The following TRIM31 variants were observed in gnomAD, a reference collection of about 807,000 sequenced individuals.
The protein encoded by TRIM31 is E3 ubiquitin-protein ligase TRIM31.
TRIM31 carries 31 observed loss-of-function variants against 40.6 expected under a neutral mutation model. The ratio of observed to expected loss-of-function variants is 0.76; its 90% CI spans 0.57 to 1.03. The LOEUF (loss-of-function observed/expected upper bound fraction) is 1.03, where lower values mean the gene tolerates loss of function less well. Among genes scored for constraint, TRIM31 ranks in the 50% least tolerant of loss-of-function variants. The pLI is 0.00. For synonymous variants in TRIM31, 164 were observed against 193.9 expected (o/e 0.85, Z 1.28); for missense variants, 455 against 497.5 (o/e 0.91, Z 0.81).
chr6:30,111,042 T>A (rs1769258823), intron 3 of TRIM31, among the ~76,000 whole-genome samples: 1 of 148,264 alleles, frequency 6.7e-6, no homozygotes, highest in Admixed American at 6.7e-5. Context: ...TTTTTTTTTT[T>A]TTTTTTTGAG....
intron 6 of TRIM31, among the ~76,000 whole-genome samples, chr6:30,106,638 G>T (rs759504896): frequency 1.9e-4 from 29 of 152,234 alleles, no homozygotes; most frequent in Non-Finnish European, 3.1e-4. Context: ...GGAGTTGGGG[G>T]ACTGTGTGTG....
chr6:30,109,707 C>A (rs963071439), intron 4 of TRIM31, among the ~76,000 whole-genome samples: 3 of 152,000 alleles, frequency 2.0e-5, no homozygotes, highest in Non-Finnish European at 1.5e-5. Context: ...ATGGTAAAAC[C>A]CCGTGTCTGC....
chr6:30,103,419 C>T lies in TRIM31; in HGVS notation c.*117G>A. 1 of 1,466,924 alleles carries T rather than the reference C, an allele frequency of 6.8e-7. No homozygotes were observed. Among genetic ancestry groups the T allele is most frequent in the Non-Finnish European group, 9.2e-7 (1 of 1,083,948 alleles). 90.9% of individuals were successfully genotyped at this position (1,466,924 alleles called of 1,614,324 possible). A position where few individuals can be genotyped will look rare whatever the true frequency, so the allele number is the denominator to read the frequency against. On this transcript the variant is annotated 3_prime_UTR_variant, in exon 9 of 9. Transcript: ENST00000376734. ...AGCCCGAGCCCTCCCATTCTCCACT[C>T]CTTCGACCCAATTCCACTAAGTCAA...
rs1337630122 is a variant in TRIM31, at chr6:30,105,243, C to T, written c.884-1G>A. On this transcript the variant is annotated splice_acceptor_variant, in intron 6 of 8. Coordinates refer to ENST00000376734, the MANE Select transcript of TRIM31 (RefSeq NM_007028.5). LOFTEE classifies it high-confidence loss of function. ...TTTTTCCTATCAGCCTGGAGTTGGT[C>T]TGGGGAATAAAGAATGGGATGAAAT... 25 of 1,612,200 alleles carry T rather than the reference C, an allele frequency of 1.6e-5. No homozygotes were observed. The highest frequency in any genetic ancestry group is 2.1e-5 in the Non-Finnish European group (25 of 1,179,660).
In TRIM31 at chr6:30,110,458, T is replaced by G. The variant is rs138900010; in HGVS notation, c.734A>C (p.Gln245Pro). The part of the protein sequence containing the change: ...LKTKQNMPPR[Q>P]LLEDIKVVLC... Reference sequence around the variant, plus strand: ...CCCCAAGGGACTCACCTCCAGCAGCTGCCTGGGTGGCATGTTCTGCTTGGT... The same window carrying G: ...CCCCAAGGGACTCACCTCCAGCAGCGGCCTGGGTGGCATGTTCTGCTTGGT... The change falls in exon 4 of 9, where the codon CAG becomes CCG. Residue 245 changes from glutamine (Q) to proline (P), a missense_variant. Physicochemically the swap from Gln to Pro is moderately conservative, Grantham distance 76. Transcript: ENST00000376734. 113 of 1,614,164 alleles carry G rather than the reference T, an allele frequency of 7.0e-5. No individual in the cohort carries two copies. Among genetic ancestry groups the G allele is most frequent in the Middle Eastern group, 5.0e-4 (3 of 6,056 alleles).
intron 6 of TRIM31, among the ~76,000 whole-genome samples, chr6:30,107,026 G>A (rs1768781025): frequency 6.6e-6 from 1 of 152,162 alleles, no homozygotes. Context: ...CTTGAAACCA[G>A]AAGGCGGAGG....
Position 30,103,352 on chromosome 6 carries a change from A to G in TRIM31, c.*184T>C. ...CAAGAATTCGTCCATTCCTTCTCCA[A>G]CTCTCTTCACCACCACCCCCGCCCC... On this transcript the variant is annotated 3_prime_UTR_variant, in exon 9 of 9. Coordinates refer to ENST00000376734, the MANE Select transcript of TRIM31 (RefSeq NM_007028.5). 5 of 852,386 alleles carry G rather than the reference A, an allele frequency of 5.9e-6. No individual in the cohort carries two copies. In the East Asian group the frequency reaches 7.3e-5, roughly 12 times the overall value. 52.8% of individuals were successfully genotyped at this position (852,386 alleles called of 1,614,324 possible).
chr6:30,112,259 G>T, intron 2 of TRIM31, 130 bp downstream of exon 2: 1 of 1,028,354 alleles, frequency 9.7e-7, no homozygotes, highest in Non-Finnish European at 1.4e-6. Flanking sequence ...GCCTGACTGC[G>T]AGCTGCCCAC....
In TRIM31 at chr6:30,111,690, T is replaced by C. The variant is rs1769342232; in HGVS notation, c.471A>G (p.Val157=). ...QVLQQKEKET[V]QVKAQGVHRV... ...TGTGTACACCTTGTGCCTTCACTTG[T>C]ACTGTCTCCTTCTCCTTTTGCTGCA... The change falls in exon 3 of 9, where the codon GTA becomes GTG. Residue 157 remains valine (V), a synonymous_variant. Transcript: ENST00000376734. The C allele has an allele frequency of 6.2e-7, 1 of 1,614,136 alleles. No individual in the cohort carries two copies.
chr6:30,107,861 C>T, intron 6 of TRIM31, 192 bp downstream of exon 6: 2 of 575,800 alleles, frequency 3.5e-6, no homozygotes, highest in Admixed American at 6.1e-5. Context: ...AATAACATAT[C>T]ACAAAGACAG....
At chr6:30,110,393 C>A (rs2127390639) in intron 4 of TRIM31, 55 bp downstream of exon 4, 1 of 1,569,118 alleles carries the variant, frequency 6.4e-7, no homozygotes. Flanking sequence ...ATGCTCTGAC[C>A]TGAGACTAGG....
chr6:30,108,559 CAAAAAAAA>C (rs28381623), intron 5 of TRIM31, among the ~76,000 whole-genome samples: 6 of 96,604 alleles, frequency 6.2e-5, no homozygotes, highest in South Asian at 6.8e-4. Flanking sequence ...AGCTCCATCT[CAAAAAAAA>C]AAAAAAAAAA....
At chr6:30,112,244 A>G in intron 2 of TRIM31, 145 bp downstream of exon 2, 1 of 823,838 alleles carries the variant, frequency 1.2e-6, no homozygotes, top group Non-Finnish European at 1.9e-6. Context: ...CTTTGAACCC[A>G]CTGTGCCTGA....
intron 4 of TRIM31, among the ~76,000 whole-genome samples, 184 bp from the exon 5 acceptor site, chr6:30,109,232 G>T (rs1769054398): frequency 1.3e-5 from 2 of 152,132 alleles, no homozygotes; most frequent in South Asian, 4.1e-4. Flanking sequence ...GCACTGCTCT[G>T]CCAGTAAGCA....
rs772034664 is a variant in TRIM31 at position 30,103,647 on chromosome 6, G to C, written c.1167C>G (p.Ser389Arg). 1 of 1,613,036 alleles carries C rather than the reference G, an allele frequency of 6.2e-7. No homozygotes were observed. The highest frequency in any genetic ancestry group is 1.3e-5 in the African/African-American group (1 of 75,020). ...SYDEISGQGASSQDTKTFDVA... is the reference protein window; with the variant it reads ...SYDEISGQGARSQDTKTFDVA... ...CGTCAAATGTCTTCGTATCCTGAGA[G>C]CTCGCTCCTTGACCAGAAATCTCAT... Residue 389 changes from serine to arginine, a missense_variant, in exon 9 of 9, where the codon AGC becomes AGG. Physicochemically the swap from Ser to Arg is moderately radical, Grantham distance 110 (BLOSUM62 -1). Coordinates refer to ENST00000376734, the MANE Select transcript of TRIM31 (RefSeq NM_007028.5).
At chr6:30,111,333 C>A in intron 3 of TRIM31, 1 of 363,382 alleles carries the variant, frequency 2.8e-6, no homozygotes, top group Non-Finnish European at 4.9e-6. Context: ...CGCGCCCGGC[C>A]AATGTCTTCA....
chr6:30,107,474 G>A (rs889774061), intron 6 of TRIM31, among the ~76,000 whole-genome samples: 12 of 152,082 alleles, frequency 7.9e-5, no homozygotes. Flanking sequence ...CACATTAAGG[G>A]GAGTCCTTAC....
intron 6 of TRIM31, among the ~76,000 whole-genome samples, chr6:30,106,945 A>G (rs1041604910): frequency 6.6e-6 from 1 of 152,108 alleles, no homozygotes. Context: ...CTAAAAATAC[A>G]AAAAACTAGC....
rs1416144622 is a variant in TRIM31, at chr6:30,110,542, T to C, written c.650A>G (p.Tyr217Cys). The change falls in exon 4 of 9, where the codon TAT (tyrosine) becomes TGT (cysteine). Residue 217 changes from tyrosine (Y) to cysteine (C), a missense_variant. Coordinates refer to ENST00000376734, the MANE Select transcript of TRIM31 (RefSeq NM_007028.5). ...CAACTGTGGCTCAGTGGAGGCAACA[T>C]AGTGTTTCCCCGCTTCCGTTCCCTC... ...GHEGTEAGKH[Y>C]VASTEPQLND... 8.1e-6 allele frequency: 13 copies of C among 1,613,990 alleles called. No homozygotes were observed. Among genetic ancestry groups the C allele is most frequent in the African/African-American group, 6.7e-5 (5 of 74,896 alleles).
Sources: gnomAD v4.1 joint callset for allele counts (sites outside exome capture counted in the v4.1 genomes callset) on GRCh38, gnomAD v4.1.1 for gene constraint, MANE v1.5 for transcripts, NCBI Gene and HGNC (gene_info 2026-07-23, HGNC 2026-07-21) for gene names.